The following WASF2 variants were observed in gnomAD, a reference collection of about 807,000 sequenced individuals.
WASF2 encodes actin-binding protein WASF2.
In WASF2, 14 loss-of-function variants were observed where a neutral mutation model predicts 45.0. The ratio of observed to expected loss-of-function variants is 0.31; its 90% CI spans 0.21 to 0.49. The LOEUF (loss-of-function observed/expected upper bound fraction) is 0.49. Ranked by LOEUF, WASF2 falls within the 20% of genes least tolerant of loss-of-function variation. WASF2 has a pLI of 0.99. For missense variants in WASF2, 439 were observed against 636.1 expected (o/e 0.69, Z 3.33); for synonymous variants, 200 against 236.3 (o/e 0.85, Z 1.41).
intron 1 of WASF2, among the ~76,000 whole-genome samples, chr1:27,477,588 C>G (rs2017782995): frequency 6.6e-6 from 1 of 150,970 alleles, no homozygotes; most frequent in African/African-American, 2.4e-5. Context: ...ACTTTTGTAA[C>G]TTCAAAGAGA....
chr1:27,429,856 A>C (rs1485220535), intron 1 of WASF2, among the ~76,000 whole-genome samples: 1 of 152,196 alleles, frequency 6.6e-6, no homozygotes, highest in East Asian at 1.9e-4. Flanking sequence ...GAACGAGAGA[A>C]TATAAAGTAA....
At chr1:27,482,609 A>G (rs1309892013) in intron 1 of WASF2, among the ~76,000 whole-genome samples, 1 of 152,226 alleles carries the variant, frequency 6.6e-6, no homozygotes, top group Non-Finnish European at 1.5e-5. Flanking sequence ...TTAAATTTAC[A>G]TAGATCTGCA....
chr1:27,409,861 T>A lies in WASF2; in HGVS notation c.1170A>T (p.Ala390=). 4 of 1,532,714 alleles carry A rather than the reference T, an allele frequency of 2.6e-6. No individual in the cohort carries two copies. The highest frequency in any genetic ancestry group is 2.6e-6 in the Non-Finnish European group (3 of 1,135,144). 94.9% of individuals were successfully genotyped at this position (1,532,714 alleles called of 1,614,324 possible). A position where few individuals can be genotyped will look rare whatever the true frequency, so the allele number is the denominator to read the frequency against. The change falls in exon 8 of 9, where the codon GCA becomes GCT. Residue 390 remains alanine (A), a synonymous_variant. Coordinates refer to ENST00000618852, the MANE Select transcript of WASF2 (RefSeq NM_006990.5). ...PPPLSQPTGG[A]PPPPPPPPPP... is the part of the protein sequence containing the mutation. Reference sequence around the variant, plus strand: ...GAGGAGGAGGAGGGGGAGGAGGAGGTGCTCCTCCTGTTGGCTGGGACAAGG... The same window carrying A: ...GAGGAGGAGGAGGGGGAGGAGGAGGAGCTCCTCCTGTTGGCTGGGACAAGG...
chr1:27,460,181 C>A (rs6691276), intron 1 of WASF2, among the ~76,000 whole-genome samples: 129,534 of 152,098 alleles, frequency 0.85, 55,679 homozygotes, highest in Admixed American at 0.92. Flanking sequence ...TGTAGAAATC[C>A]TGTTAATAAA....
chr1:27,458,143 C>A (rs544266174), intron 1 of WASF2, among the ~76,000 whole-genome samples: 5 of 151,630 alleles, frequency 3.3e-5, no homozygotes, highest in African/African-American at 1.2e-4. Context: ...AACTCTGTCG[C>A]TACTAAAATA....
intron 4 of WASF2, 38 bp from the exon 5 acceptor site, chr1:27,416,140 A>T: frequency 6.4e-7 from 1 of 1,566,196 alleles, no homozygotes; most frequent in South Asian, 1.1e-5. Flanking sequence ...GTCAGTAGAC[A>T]GATGAGCTCC....
intron 1 of WASF2, among the ~76,000 whole-genome samples, chr1:27,487,677 T>A (rs1332652253): frequency 1.8e-5 from 2 of 109,882 alleles, no homozygotes; most frequent in East Asian, 4.4e-4. Flanking sequence ...ATATATATTT[T>A]ATATAATATA....
rs373073860 is a variant in WASF2, at chr1:27,412,618, G to A, written c.778C>T (p.Pro260Ser). The A allele has an allele frequency of 2.7e-5, 43 of 1,614,098 alleles. No individual in the cohort carries two copies. Among genetic ancestry groups the A allele is most frequent in the Non-Finnish European group, 3.2e-5 (38 of 1,180,058 alleles). Residue 260 changes from proline (P) to serine (S), a missense_variant, in exon 7 of 9, where the codon CCT becomes TCT. This residue lies in a region of WASF2 where 286 missense variants were observed against 373.5 expected (regional missense o/e 0.77). Coordinates refer to ENST00000618852, the MANE Select transcript of WASF2 (RefSeq NM_006990.5). ...GGCAAGTTGTCCTCGGAGAAGGAAG[G>A]AGAAGGTGAAGAAGCAGAGTCTGAC... ...PQSDSASSPS[P>S]SFSEDNLPPP...
At chr1:27,433,936 C>G (rs2017098906) in intron 1 of WASF2, among the ~76,000 whole-genome samples, 1 of 152,122 alleles carries the variant, frequency 6.6e-6, no homozygotes, top group South Asian at 2.1e-4. Flanking sequence ...AATGCCCTAT[C>G]TTTATGGAAT....
chr1:27,408,335 G>A lies in WASF2; in HGVS notation c.1351C>T (p.Arg451Cys), dbSNP rs374057413. 17 of 1,614,118 alleles carry A rather than the reference G, an allele frequency of 1.1e-5. No individual in the cohort carries two copies. The highest frequency in any genetic ancestry group is 1.4e-5 in the Non-Finnish European group (17 of 1,180,058). ...TGTTCCCGCTGCTCCTCAACCCTGC[G>A]CAGCTGAAAACCTAGTGGCAAAGAG... ...LSAIRQGFQL[R>C]RVEEQREQEK... is the part of the protein sequence containing the mutation. The change falls in exon 9 of 9, where the codon CGC becomes TGC. Residue 451 changes from arginine (R) to cysteine (C), a missense_variant. By Grantham distance (180) the Arg-to-Cys change is radical. Transcript: ENST00000618852.
At chr1:27,417,425 A>G (rs1275984549) in intron 4 of WASF2, among the ~76,000 whole-genome samples, 1 of 152,182 alleles carries the variant, frequency 6.6e-6, no homozygotes, top group Non-Finnish European at 1.5e-5. Context: ...GGCTCCCTGA[A>G]TCTGACTGGT....
At chr1:27,440,871 CTTTT>C (rs539258161) in intron 1 of WASF2, among the ~76,000 whole-genome samples, 1 of 146,830 alleles carries the variant, frequency 6.8e-6, no homozygotes, top group African/African-American at 2.5e-5. Context: ...GATCATAACA[CTTTT>C]TTTTTTTTGA....
chr1:27,419,188 A>C (rs2016868418), intron 2 of WASF2, 100 bp from the exon 3 acceptor site: 1 of 1,325,724 alleles, frequency 7.5e-7, no homozygotes, highest in Non-Finnish European at 1.1e-6. Flanking sequence ...CCCCAAACAC[A>C]TACATATACA....
At position 27,487,665 on chromosome 1, in the gene WASF2, T is replaced by TA. The variant is rs1557626735; in HGVS notation, c.-44+2320_-44+2321insT. Among the ~76,000 whole-genome samples, 227 of 104,542 alleles carry TA rather than the reference T, an allele frequency of 2.2e-3. 1 individual carries two copies. Among genetic ancestry groups the TA allele is most frequent in the Non-Finnish European group, 3.6e-3 (201 of 56,068 alleles). 68.6% of individuals were successfully genotyped at this position (104,542 alleles called of 152,430 possible). A position where few individuals can be genotyped will look rare whatever the true frequency, so the allele number is the denominator to read the frequency against. ...TATATTATATATTATATAATATATA[T>TA]TATATATATTTTATATAATATATAA... On this transcript the variant is annotated intron_variant, in intron 1 of 8. Coordinates refer to ENST00000618852, the MANE Select transcript of WASF2 (RefSeq NM_006990.5).
intron 1 of WASF2, among the ~76,000 whole-genome samples, chr1:27,478,744 A>G (rs2148143339): frequency 6.6e-6 from 1 of 151,948 alleles, no homozygotes; most frequent in South Asian, 2.1e-4. Flanking sequence ...CACCACACCC[A>G]GATAATTTTT....
chr1:27,429,626 A>G (rs1239690514), intron 1 of WASF2, among the ~76,000 whole-genome samples: 2 of 151,992 alleles, frequency 1.3e-5, no homozygotes, highest in Non-Finnish European at 2.9e-5. Flanking sequence ...AAATACAAAA[A>G]ATTGGCCAGG....
chr1:27,423,552 A>G lies in WASF2; in HGVS notation c.131-4464T>C, dbSNP rs937296063. ...TCCAATCAGTAATTTGATAGTATCT[A>G]TTCTTCAAGTGCTAAAAATTACTCC... On this transcript the variant is annotated intron_variant, in intron 2 of 8. Transcript: ENST00000618852. Among the ~76,000 whole-genome samples the G allele has an allele frequency of 2.6e-5, 4 of 152,352 alleles. No homozygotes were observed. In the South Asian group the frequency reaches 6.2e-4, roughly 24 times the overall value.
In WASF2 at chr1:27,457,849, T is replaced by TG. The variant is rs368629858; in HGVS notation, c.-43-28917dup. On this transcript the variant is annotated intron_variant, in intron 1 of 8. Transcript: ENST00000618852. ...TTTGCCCAGGCTGGTCTCAAATTCC[T>TG]GGGCCTCAAGCAATCCTCCCACCTT... 2.4e-3 allele frequency among the ~76,000 whole-genome samples: 366 copies of TG among 152,148 alleles called. 3 individuals carry two copies. The highest frequency in any genetic ancestry group is 8.0e-3 in the African/African-American group (334 of 41,530).
intron 1 of WASF2, among the ~76,000 whole-genome samples, chr1:27,488,359 T>C (rs1181442485): frequency 6.6e-6 from 1 of 152,168 alleles, no homozygotes; most frequent in African/African-American, 2.4e-5. Flanking sequence ...GAAAGGGATA[T>C]TAAGCTTAAT....
Sources: gnomAD v4.1 joint callset for allele counts (sites outside exome capture counted in the v4.1 genomes callset) on GRCh38, gnomAD v4.1.1 for gene constraint, gnomAD v4.1.1 regional missense constraint, MANE v1.5 for transcripts, NCBI Gene and HGNC (gene_info 2026-07-23, HGNC 2026-07-21) for gene names.